FYCO1: variants seen among roughly 807,000 people sequenced by gnomAD.
FYCO1 encodes FYVE and coiled-coil domain-containing protein 1.
FYCO1 carries 122 observed loss-of-function variants against 165.1 expected under a neutral mutation model. The observed-to-expected ratio is 0.74, with a 90% confidence interval of 0.64 to 0.86. The LOEUF (loss-of-function observed/expected upper bound fraction) is 0.86. FYCO1 is among the 40% of genes least tolerant of loss of function. The probability of loss-of-function intolerance (pLI) is 0.00; values close to 1 mark genes in which losing one functional copy is unlikely to be tolerated. For synonymous variants in FYCO1, 648 were observed against 742.5 expected (o/e 0.87, Z 2.07); for missense variants, 1,702 against 1,810.3 (o/e 0.94, Z 1.09).
At position 45,946,652 on chromosome 3, in the gene FYCO1, C is replaced by A; in HGVS notation, c.3944+8597G>T. 3 of 1,614,208 alleles carry A rather than the reference C, an allele frequency of 1.9e-6. No homozygotes were observed. The South Asian group carries it at 3.3e-5, about 18-fold the overall frequency. On this transcript the variant is annotated intron_variant, in intron 14 of 17. Transcript: ENST00000296137. The stretch of plus-strand genomic sequence containing the variant: ...ACTCTCTGGTGCTGGTCATATCCAT[C>A]TTCTACCATAAGTTGCAGAGCCTGA...
chr3:45,956,781 C>A (rs1042204952), intron 13 of FYCO1, among the ~76,000 whole-genome samples: 2 of 152,170 alleles, frequency 1.3e-5, no homozygotes, highest in Non-Finnish European at 2.9e-5. Flanking sequence ...GTATCATGTT[C>A]ATGGACTGAG....
intron 14 of FYCO1, among the ~76,000 whole-genome samples, chr3:45,949,074 T>C (rs116684889): frequency 0.012 from 1,801 of 152,290 alleles, 35 homozygotes; most frequent in African/African-American, 0.037. Context: ...GGAGGGTTTG[T>C]ATCGTGCCTT....
At chr3:45,989,359 C>T (rs1707462224) in intron 1 of FYCO1, among the ~76,000 whole-genome samples, 1 of 152,236 alleles carries the variant, frequency 6.6e-6, no homozygotes, top group Non-Finnish European at 1.5e-5. Context: ...TTACCACCTA[C>T]AGAAAGGGAG....
intron 14 of FYCO1, chr3:45,946,860 C>T (rs1473657354): frequency 1.6e-5 from 26 of 1,614,068 alleles, no homozygotes; most frequent in African/African-American, 2.7e-5. Context: ...CACTGTGGAT[C>T]GTTTCATTGT....
intron 14 of FYCO1, chr3:45,946,413 G>C: frequency 7.2e-7 from 1 of 1,383,592 alleles, no homozygotes; most frequent in Non-Finnish European, 1.0e-6. Flanking sequence ...GGAAGACAAA[G>C]AATGCCATCC....
At position 45,975,239 on chromosome 3, in the gene FYCO1, C is replaced by T. The variant is rs778061525; in HGVS notation, c.395G>A (p.Ser132Asn). Residue 132 changes from serine to asparagine, a missense_variant and splice_region_variant, in exon 5 of 18, where the codon AGT (serine) becomes AAT (asparagine). Transcript: ENST00000296137. Reference sequence around the variant, plus strand: ...AACCCCAGCCCTGTCCTGTATTTACCTGGTCACTTTGGTGTTCATGAAGCA... The same window carrying T: ...AACCCCAGCCCTGTCCTGTATTTACTTGGTCACTTTGGTGTTCATGAAGCA... ...QQCFMNTKVT[S>N]DWYYARSPFL... The T allele has an allele frequency of 6.2e-7, 1 of 1,604,392 alleles. No individual in the cohort carries two copies. Among genetic ancestry groups the T allele is most frequent in the East Asian group, 2.2e-5 (1 of 44,836 alleles).
chr3:45,988,645 A>G (rs1484682926), intron 1 of FYCO1, among the ~76,000 whole-genome samples: 3 of 152,190 alleles, frequency 2.0e-5, no homozygotes, highest in Admixed American at 1.3e-4. Context: ...GCTCTTTCAA[A>G]TATCAGAGAA....
intron 6 of FYCO1, among the ~76,000 whole-genome samples, chr3:45,972,620 G>T (rs1250947823): frequency 6.6e-6 from 1 of 152,186 alleles, no homozygotes. Flanking sequence ...CCACACTGGT[G>T]TAAGATATGG....
intron 4 of FYCO1, among the ~76,000 whole-genome samples, chr3:45,976,656 C>G (rs9814852): frequency 0.017 from 2,638 of 152,240 alleles, 78 homozygotes; most frequent in African/African-American, 0.058. Context: ...TCATACTATT[C>G]AAATTTTAAT....
intron 11 of FYCO1, among the ~76,000 whole-genome samples, chr3:45,961,536 C>T (rs1575363036): frequency 6.6e-6 from 1 of 151,610 alleles, no homozygotes; most frequent in East Asian, 1.9e-4. Context: ...CAAGATCACG[C>T]CACTGTACTC....
At chr3:45,932,680 A>C (rs981631359) in intron 15 of FYCO1, among the ~76,000 whole-genome samples, 2 of 152,136 alleles carry the variant, frequency 1.3e-5, no homozygotes, top group Non-Finnish European at 2.9e-5. Context: ...GAATGGACAG[A>C]CTCCCCAAAG....
At chr3:45,943,263 G>A (rs574416457) in intron 14 of FYCO1, among the ~76,000 whole-genome samples, 2 of 152,222 alleles carry the variant, frequency 1.3e-5, no homozygotes, top group East Asian at 1.9e-4. Context: ...AATAAAGCTC[G>A]TCAGGCCCTG....
At position 45,981,685 on chromosome 3, in the gene FYCO1, C is replaced by T. The variant is rs541278006; in HGVS notation, c.56-9G>A. On this transcript the variant is annotated splice_polypyrimidine_tract_variant and intron_variant, in intron 2 of 17. Coordinates refer to ENST00000296137, the MANE Select transcript of FYCO1 (RefSeq NM_024513.4). ...TAGTTCTGTCACAGCATCTTTAAGA[C>T]AACAAATAGGAACATGTAACCAGAT... is the stretch of plus-strand genomic sequence containing the variant. 2 of 1,579,156 alleles carry T rather than the reference C, an allele frequency of 1.3e-6. No homozygotes were observed. Among genetic ancestry groups the T allele is most frequent in the African/African-American group, 1.3e-5 (1 of 74,334 alleles).
chr3:45,964,579 T>C lies in FYCO1; in HGVS notation c.3151-125A>G. On this transcript the variant is annotated intron_variant, in intron 9 of 17. Coordinates refer to ENST00000296137, the MANE Select transcript of FYCO1 (RefSeq NM_024513.4). The surrounding 1 kb of genome is among the most constrained non-coding windows in gnomAD (Gnocchi z 4.1). ...CTTCTAAATGGAGGGTTGTTTCCTA[T>C]TAAGTTCAAGAGGCCATGAACCTCT... The C allele has an allele frequency of 1.3e-6, 2 of 1,535,820 alleles. No individual in the cohort carries two copies. Among genetic ancestry groups the C allele is most frequent in the East Asian group, 4.9e-5 (2 of 40,828 alleles).
Position 45,964,537 on chromosome 3 carries a change from C to A in FYCO1, c.3151-83G>T. On this transcript the variant is annotated intron_variant, in intron 9 of 17. Coordinates refer to ENST00000296137, the MANE Select transcript of FYCO1 (RefSeq NM_024513.4). The surrounding 1 kb of genome is among the most constrained non-coding windows in gnomAD (Gnocchi z 4.1). ...ATAAAGTGGCTGGTGTGCCATCCACCCCATCTGGCTGGGTCACTTCTAAAT... is the reference window on the plus strand; with the variant it reads ...ATAAAGTGGCTGGTGTGCCATCCACACCATCTGGCTGGGTCACTTCTAAAT... The A allele has an allele frequency of 6.3e-7, 1 of 1,593,084 alleles. No individual in the cohort carries two copies. Among genetic ancestry groups the A allele is most frequent in the East Asian group, 2.3e-5 (1 of 44,016 alleles).
intron 1 of FYCO1, among the ~76,000 whole-genome samples, chr3:45,990,408 G>T (rs1353870265): frequency 6.6e-6 from 1 of 152,174 alleles, no homozygotes; most frequent in Non-Finnish European, 1.5e-5. Flanking sequence ...GAGCACTTGA[G>T]GCCTGGTAAG....
chr3:45,963,804 C>T (rs934460894), intron 10 of FYCO1, among the ~76,000 whole-genome samples: 9 of 152,312 alleles, frequency 5.9e-5, no homozygotes, highest in Non-Finnish European at 1.2e-4. Context: ...TGGGTGGCAG[C>T]GTGATCTGCT....
chr3:45,969,631 G>T, intron 7 of FYCO1, 44 bp downstream of exon 7: 1 of 1,492,778 alleles, frequency 6.7e-7, no homozygotes. Flanking sequence ...GACATACCCT[G>T]GTAGAAGCTA....
chr3:45,983,402 T>C (rs1707150733), intron 2 of FYCO1, among the ~76,000 whole-genome samples: 1 of 152,196 alleles, frequency 6.6e-6, no homozygotes, highest in African/African-American at 2.4e-5. Flanking sequence ...CAGATGAAAG[T>C]GGAGGGTACT....
Sources: allele counts gnomAD v4.1 joint callset (sites outside exome capture counted in the v4.1 genomes callset), GRCh38; gene constraint gnomAD v4.1.1; non-coding constraint Gnocchi (gnomAD v3.1); transcripts MANE v1.5; gene names NCBI Gene and HGNC (gene_info 2026-07-23, HGNC 2026-07-21).